Variants in GTF2F1 observed in about 807,000 individuals in gnomAD.
GTF2F1 encodes general transcription factor IIF 74 kDa subunit.
Under a neutral mutation model 63.5 loss-of-function variants are expected in GTF2F1, and 39 were observed. The observed-to-expected ratio is 0.61, with a 90% CI of 0.48 to 0.80. The LOEUF is 0.80. GTF2F1 is among the 30% of genes least tolerant of loss of function. The probability of loss-of-function intolerance (pLI) is 0.00; values close to 1 mark genes in which losing one functional copy is unlikely to be tolerated. For synonymous variants in GTF2F1, 287 were observed against 285.3 expected, an observed-to-expected ratio of 1.01 and a Z score of -0.06; for missense variants, 657 against 718.3, an observed-to-expected ratio of 0.91 and a Z score of 0.97.
chr19:6,384,774 G>GTTCTTTTCTT (rs369168009), intron 5 of GTF2F1, among the ~76,000 whole-genome samples: 4 of 151,776 alleles, frequency 2.6e-5, no homozygotes, highest in African/African-American at 9.7e-5. Flanking sequence ...ATCACCATTT[G>GTTCTTTTCTT]TTCTTTTCTT....
Position 6,393,152 on chromosome 19 carries a change from G to A in GTF2F1, c.-157C>T. 2.2e-6 allele frequency: 2 copies of A among 912,934 alleles called. No homozygotes were observed. Among genetic ancestry groups the A allele is most frequent in the Non-Finnish European group, 3.4e-6 (2 of 592,018 alleles). 56.6% of individuals were successfully genotyped at this position (912,934 alleles called of 1,614,324 possible). A position where few individuals can be genotyped will look rare whatever the true frequency, so the allele number is the denominator to read the frequency against. On this transcript the variant is annotated 5_prime_UTR_variant, in exon 1 of 13. Transcript: ENST00000394456. ...TAGGCGCCTCTGGCGCTGGGAAAAG[G>A]TAACCGGAAGAGGCGCTCAAGCTAC...
chr19:6,381,114 G>A lies in GTF2F1; in HGVS notation c.1092+8C>T, dbSNP rs1482777946. 1 of 1,611,158 alleles carries A rather than the reference G, an allele frequency of 6.2e-7. No individual in the cohort carries two copies. The highest frequency in any genetic ancestry group is 8.5e-7 in the Non-Finnish European group (1 of 1,178,904). ...CCAGGCCTCCCCCGCCACCGGGCTG[G>A]GCCTTACCGCCATGAAGAGGGCTGA... On this transcript the variant is annotated splice_region_variant and intron_variant, in intron 10 of 12. Transcript: ENST00000394456. The surrounding 1 kb of genome is among the most constrained non-coding windows in gnomAD (Gnocchi z 4.1).
At chr19:6,382,262 G>A (rs2091955719) in intron 6 of GTF2F1, among the ~76,000 whole-genome samples, 3 of 152,002 alleles carry the variant, frequency 2.0e-5, no homozygotes, top group African/African-American at 4.8e-5. Flanking sequence ...AGGCTGAGGC[G>A]GGAGGATGGC....
rs776821239 is a variant in GTF2F1, at chr19:6,380,416, C to T, written c.1419G>A (p.Leu473=). The change falls in exon 13 of 13, where the codon CTG becomes CTA. Residue 473 remains leucine (L), a synonymous_variant. Transcript: ENST00000394456. The surrounding 1 kb of genome is among the most constrained non-coding windows in gnomAD (Gnocchi z 5.3). The part of the protein sequence containing the change: ...LTRKPMTTKD[L]LKKFQTKKTG... ...TCTTCTTGGTCTGGAACTTTTTCAG[C>T]AGGTCCTTAGTGGTCATGGGCTTCC... 2 of 1,614,160 alleles carry T rather than the reference C, an allele frequency of 1.2e-6. No individual in the cohort carries two copies. The highest frequency in any genetic ancestry group is 8.5e-7 in the Non-Finnish European group (1 of 1,180,016).
At chr19:6,389,023 C>G (rs2091985092) in intron 4 of GTF2F1, among the ~76,000 whole-genome samples, 1 of 151,884 alleles carries the variant, frequency 6.6e-6, no homozygotes, top group Admixed American at 6.6e-5. Context: ...GGGAGGATCG[C>G]CAAGTTCGAG....
rs562428658 is a variant in GTF2F1 at position 6,385,673 on chromosome 19, G to A, written c.497+1716C>T. On this transcript the variant is annotated intron_variant, in intron 5 of 12. Coordinates refer to ENST00000394456, the MANE Select transcript of GTF2F1 (RefSeq NM_002096.3). ...GGTACAGAAACTGCCCCACAGGCTC[G>A]GAGGCTCATGACCTGGTGGGGAGGA... Among the ~76,000 whole-genome samples, 19 of 152,218 alleles carry A rather than the reference G, an allele frequency of 1.2e-4. No individual in the cohort carries two copies. In the South Asian group the frequency reaches 1.7e-3, roughly 13 times the overall value.
At chr19:6,391,115 C>T (rs886146531) in intron 3 of GTF2F1, among the ~76,000 whole-genome samples, 2 of 152,220 alleles carry the variant, frequency 1.3e-5, no homozygotes, top group Non-Finnish European at 2.9e-5. Context: ...CTAGACCAGT[C>T]CAGTTGCTTC....
chr19:6,385,550 G>A (rs1269346245), intron 5 of GTF2F1, among the ~76,000 whole-genome samples: 4 of 152,060 alleles, frequency 2.6e-5, no homozygotes, highest in South Asian at 2.1e-4. Context: ...TGCCCCCCCA[G>A]CAATGATTGA....
intron 3 of GTF2F1, chr19:6,390,547 C>CAAAAAAAAAAAAAAAAAAA (rs1328056848): frequency 2.5e-5 from 1 of 40,526 alleles, no homozygotes; most frequent in Non-Finnish European, 3.9e-5. Context: ...ACTCAGTCCC[C>CAAAAAAAAAAAAAAAAAAA]AAAAAAAAAA....
At chr19:6,389,343 G>A in intron 4 of GTF2F1, 101 bp downstream of exon 4, 1 of 842,692 alleles carries the variant, frequency 1.2e-6, no homozygotes, top group Non-Finnish European at 1.8e-6. Context: ...GCAGCAGTGG[G>A]AATCTGAGGT....
chr19:6,387,596 A>ACCAGCC (rs777757680), intron 4 of GTF2F1, 37 bp from the exon 5 acceptor site: 1 of 1,557,676 alleles, frequency 6.4e-7, no homozygotes, highest in Non-Finnish European at 8.8e-7. Flanking sequence ...GCCCATAGGG[A>ACCAGCC]CCAGCCCCAG....
Position 6,383,395 on chromosome 19 carries a change from TG to T in GTF2F1, c.597del (p.Arg200GlyfsTer215), listed in dbSNP as rs1187413705. On this transcript the variant is annotated frameshift_variant, in exon 6 of 13. Transcript: ENST00000394456. LOFTEE classifies it high-confidence loss of function. The surrounding 1 kb of genome is among the most constrained non-coding windows in gnomAD (Gnocchi z 4.5). The part of the protein sequence containing the change: ...EDEEEKEKRG[R>X]RKASELRIHD... ...TGGATGCGCAGCTCGCTCGCCTTCCTGCGGCCACGTTTCTCCTTCTCCTCCT... is the reference window on the plus strand; with the variant it reads ...TGGATGCGCAGCTCGCTCGCCTTCCTCGGCCACGTTTCTCCTTCTCCTCCT... 7 of 1,614,108 alleles carry T rather than the reference TG, an allele frequency of 4.3e-6. No homozygotes were observed. The highest frequency in any genetic ancestry group is 5.9e-6 in the Non-Finnish European group (7 of 1,180,036).
chr19:6,384,273 C>T (rs1446998299), intron 5 of GTF2F1, among the ~76,000 whole-genome samples: 3 of 149,222 alleles, frequency 2.0e-5, no homozygotes, highest in South Asian at 2.1e-4. Context: ...TTTGGGAGGC[C>T]GAGGCAAGTG....
At position 6,381,097 on chromosome 19, in the gene GTF2F1, C is replaced by G; in HGVS notation, c.1092+25G>C. 2 of 1,607,222 alleles carry G rather than the reference C, an allele frequency of 1.2e-6. No homozygotes were observed. Among genetic ancestry groups the G allele is most frequent in the Non-Finnish European group, 1.7e-6 (2 of 1,177,022 alleles). On this transcript the variant is annotated intron_variant, in intron 10 of 12. Transcript: ENST00000394456. This position sits in a 1 kb window ranked among gnomAD's most constrained non-coding sequence, Gnocchi z 4.1. ...AGTCTGCAAACAGACGCCCAGGCCT[C>G]CCCCGCCACCGGGCTGGGCCTTACC...
chr19:6,392,045 T>C (rs2092000958), intron 2 of GTF2F1, 71 bp from the exon 3 acceptor site: 25 of 788,842 alleles, frequency 3.2e-5, no homozygotes, highest in South Asian at 2.1e-4. Flanking sequence ...CAGTCAATGC[T>C]ATTGAACCAT....
Position 6,381,638 on chromosome 19 carries a change from G to T in GTF2F1, c.837-23C>A. On this transcript the variant is annotated intron_variant, in intron 7 of 12. Transcript: ENST00000394456. The surrounding 1 kb of genome is among the most constrained non-coding windows in gnomAD (Gnocchi z 4.1). ...CTACTGTAAGACGGGGATGGCAAAG[G>T]ATGAGCGCGCGCTCGCGAGGCTGCA... The T allele has an allele frequency of 6.2e-7, 1 of 1,613,994 alleles. No homozygotes were observed. Among genetic ancestry groups the T allele is most frequent in the South Asian group, 1.1e-5 (1 of 91,084 alleles).
In GTF2F1 at chr19:6,381,911, T is replaced by C; in HGVS notation, c.683-61A>G. ...TGAGGAGGAAGGCAGTGGGTATTTA[T>C]TGTGTTTTTCACATTTTGTGCAGTT... On this transcript the variant is annotated intron_variant, in intron 6 of 12. Coordinates refer to ENST00000394456, the MANE Select transcript of GTF2F1 (RefSeq NM_002096.3). The surrounding 1 kb of genome is among the most constrained non-coding windows in gnomAD (Gnocchi z 4.1). The C allele has an allele frequency of 1.4e-6, 2 of 1,420,102 alleles. No individual in the cohort carries two copies. Among genetic ancestry groups the C allele is most frequent in the Non-Finnish European group, 2.0e-6 (2 of 1,024,178 alleles). The allele number at this position is 1,420,102 out of a possible 1,614,324, so 88.0% of individuals were successfully genotyped here.
chr19:6,381,053 C>G lies in GTF2F1; in HGVS notation c.1093-11G>C. 1 of 1,610,924 alleles carries G rather than the reference C, an allele frequency of 6.2e-7. No individual in the cohort carries two copies. The highest frequency in any genetic ancestry group is 8.5e-7 in the Non-Finnish European group (1 of 1,178,720). The stretch of plus-strand genomic sequence containing the variant: ...TGGCGTCTTCTTCTTCTGCAGAGGT[C>G]AGGGTTGGGAGGTGGGTGAGTCTGC... On this transcript the variant is annotated splice_polypyrimidine_tract_variant and intron_variant, in intron 10 of 12. Coordinates refer to ENST00000394456, the MANE Select transcript of GTF2F1 (RefSeq NM_002096.3). This position sits in a 1 kb window ranked among gnomAD's most constrained non-coding sequence, Gnocchi z 4.1.
At chr19:6,384,315 C>T (rs376049882) in intron 5 of GTF2F1, among the ~76,000 whole-genome samples, 3 of 151,174 alleles carry the variant, frequency 2.0e-5, no homozygotes, top group African/African-American at 7.3e-5. Flanking sequence ...TGAGAACAGC[C>T]TGAACAACAT....
Sources: allele counts gnomAD v4.1 joint callset (sites outside exome capture counted in the v4.1 genomes callset), GRCh38; gene constraint gnomAD v4.1.1; non-coding constraint Gnocchi (gnomAD v3.1); transcripts MANE v1.5; gene names NCBI Gene and HGNC (gene_info 2026-07-23, HGNC 2026-07-21).